SLC6A15: variants seen among roughly 807,000 people sequenced by gnomAD.
The protein encoded by SLC6A15 is solute carrier family 6 member 15, also known as sodium-dependent neutral amino acid transporter B(0)AT2.
A neutral mutation model predicts 68.5 loss-of-function variants in SLC6A15; 33 were observed. That is an observed-to-expected ratio of 0.48 (90% CI 0.37 to 0.64). The LOEUF is 0.64. SLC6A15 is among the 30% of genes least tolerant of loss of function. SLC6A15 has a pLI of 0.00. For missense variants in SLC6A15, 747 were observed against 874.3 expected (o/e 0.85, Z 1.84); for synonymous variants, 347 against 301.0 (o/e 1.15, Z -1.58).
Position 84,861,590 on chromosome 12 carries a change from G to A in SLC6A15, c.*42C>T. 6.5e-7 allele frequency: 1 copy of A among 1,547,126 alleles called. No individual in the cohort carries two copies. The highest frequency in any genetic ancestry group is 8.7e-7 in the Non-Finnish European group (1 of 1,145,186). The stretch of plus-strand genomic sequence containing the variant: ...TCTCCTACTAGGGCCAATGTTCATT[G>A]GTAAAAATGAACCAAATAAAACCCA... On this transcript the variant is annotated 3_prime_UTR_variant, in exon 12 of 12. Transcript: ENST00000266682.
At chr12:84,881,210 C>T (rs934624119) in intron 5 of SLC6A15, 1 of 155,048 alleles carries the variant, frequency 6.4e-6, no homozygotes, top group African/African-American at 2.4e-5. Flanking sequence ...GTAACTAGGG[C>T]ACATGCTACC....
chr12:84,884,312 AT>A (rs1170254509), intron 4 of SLC6A15, among the ~76,000 whole-genome samples: 1 of 151,868 alleles, frequency 6.6e-6, no homozygotes, highest in Non-Finnish European at 1.5e-5. Context: ...ATTTTATTTT[AT>A]TTTTATTTTT....
rs78734475 is a variant in SLC6A15, at chr12:84,863,457, G to A, written c.1800C>T (p.Asn600=). ...VNMGLSPPGY[N]AWIEDKASEE... Reference sequence around the variant, plus strand: ...TATTTACCTTATCTTCAATCCATGCGTTATAGCCAGGAGGACTTAATCCCA... The same window carrying A: ...TATTTACCTTATCTTCAATCCATGCATTATAGCCAGGAGGACTTAATCCCA... Residue 600 remains asparagine, a synonymous_variant, in exon 11 of 12, where the codon AAC becomes AAT. Transcript: ENST00000266682. 59 of 1,578,862 alleles carry A rather than the reference G, an allele frequency of 3.7e-5. No individual in the cohort carries two copies. The highest frequency in any genetic ancestry group is 2.3e-4 in the East Asian group (10 of 43,044).
At chr12:84,864,037 G>A (rs1051281105) in intron 10 of SLC6A15, among the ~76,000 whole-genome samples, 1 of 149,264 alleles carries the variant, frequency 6.7e-6, no homozygotes, top group Admixed American at 6.7e-5. Flanking sequence ...ATTCTATCAA[G>A]GAATTATTAC....
Position 84,881,284 on chromosome 12 carries a change from T to C in SLC6A15, c.756+2575A>G, listed in dbSNP as rs923854092. On this transcript the variant is annotated intron_variant, in intron 5 of 11. Coordinates refer to ENST00000266682, the MANE Select transcript of SLC6A15 (RefSeq NM_182767.6). ...ATTGAGGCAACTGATTTCATTATTA[T>C]CAAGTTTGATTCTTGAAAGGCCTTT... 5 of 218,714 alleles carry C rather than the reference T, an allele frequency of 2.3e-5. No individual in the cohort carries two copies. The Admixed American group carries it at 2.6e-4, about 11-fold the overall frequency. The allele number at this position is 218,714 out of a possible 1,614,324, so 13.5% of individuals were successfully genotyped here. A position where few individuals can be genotyped will look rare whatever the true frequency, so the allele number is the denominator to read the frequency against.
At chr12:84,864,920 G>A (rs925515393) in intron 10 of SLC6A15, among the ~76,000 whole-genome samples, 4 of 152,012 alleles carry the variant, frequency 2.6e-5, no homozygotes, top group African/African-American at 4.8e-5. Context: ...GTACAAAATC[G>A]ACAGATGCAT....
chr12:84,907,458 G>A (rs1303043227), intron 1 of SLC6A15, among the ~76,000 whole-genome samples: 5 of 152,234 alleles, frequency 3.3e-5, no homozygotes, highest in African/African-American at 7.2e-5. Context: ...CACAAGAACT[G>A]AGGCTCGATA....
intron 1 of SLC6A15, among the ~76,000 whole-genome samples, chr12:84,906,423 A>G (rs541566323): frequency 8.2e-4 from 125 of 152,334 alleles, no homozygotes; most frequent in African/African-American, 2.9e-3. Flanking sequence ...ATTTTTCTAC[A>G]AAGAAGATTA....
Position 84,863,605 on chromosome 12 carries a change from A to G in SLC6A15, c.1656-4T>C. ...ATCTTTTAGGTCTTCCATAAACCTG[A>G]ATAAAAAGAAAGTATTTAATTATTC... On this transcript the variant is annotated splice_polypyrimidine_tract_variant and splice_region_variant and intron_variant, in intron 10 of 11. Coordinates refer to ENST00000266682, the MANE Select transcript of SLC6A15 (RefSeq NM_182767.6). 6.6e-7 allele frequency: 1 copy of G among 1,510,056 alleles called. No individual in the cohort carries two copies. The highest frequency in any genetic ancestry group is 2.4e-5 in the East Asian group (1 of 41,112). 93.5% of individuals were successfully genotyped at this position (1,510,056 alleles called of 1,614,324 possible). A position where few individuals can be genotyped will look rare whatever the true frequency, so the allele number is the denominator to read the frequency against.
At chr12:84,896,258 A>G (rs1872634825) in intron 1 of SLC6A15, among the ~76,000 whole-genome samples, 1 of 152,190 alleles carries the variant, frequency 6.6e-6, no homozygotes, top group Admixed American at 6.5e-5. Flanking sequence ...AATATTGCTC[A>G]TGGGCCAAAT....
chr12:84,894,594 A>C (rs1394418676), intron 1 of SLC6A15, among the ~76,000 whole-genome samples: 1 of 152,226 alleles, frequency 6.6e-6, no homozygotes, highest in East Asian at 1.9e-4. Flanking sequence ...ATCTCCCCCA[A>C]ATTTTTACGG....
chr12:84,911,316 T>A (rs1830430623), intron 1 of SLC6A15, among the ~76,000 whole-genome samples: 1 of 152,186 alleles, frequency 6.6e-6, no homozygotes, highest in African/African-American at 2.4e-5. Flanking sequence ...ACCGCAAGGA[T>A]GGTGCAGACT....
chr12:84,879,825 C>T lies in SLC6A15; in HGVS notation c.757-3218G>A, dbSNP rs373208587. Among the ~76,000 whole-genome samples, 75 of 147,286 alleles carry T rather than the reference C, an allele frequency of 5.1e-4. 3 individuals carry two copies. In the South Asian group the frequency reaches 0.015, roughly 30 times the overall value. On this transcript the variant is annotated intron_variant, in intron 5 of 11. Coordinates refer to ENST00000266682, the MANE Select transcript of SLC6A15 (RefSeq NM_182767.6). ...GGGTTCCATGAGGACAGACTGTGGC[C>T]TATTACTCTTTGCATATCCATCAGT...
rs991191613 is a variant in SLC6A15 at position 84,892,152 on chromosome 12, A to C, written c.-32T>G. 6.5e-7 allele frequency: 1 copy of C among 1,547,734 alleles called. No homozygotes were observed. The highest frequency in any genetic ancestry group is 1.2e-5 in the South Asian group (1 of 80,630). On this transcript the variant is annotated 5_prime_UTR_variant, in exon 2 of 12. Transcript: ENST00000266682. The stretch of plus-strand genomic sequence containing the variant: ...GTATGCGAAGTATTTAAAAAAAAAA[A>C]AAAAAACTCCCTTATGGCAAATGTG...
chr12:84,883,228 A>G (rs1182454412), intron 5 of SLC6A15: 18 of 985,102 alleles, frequency 1.8e-5, no homozygotes, highest in Non-Finnish European at 2.0e-5. Context: ...TTTAAAAATA[A>G]TAACAAACAA....
intron 1 of SLC6A15, among the ~76,000 whole-genome samples, chr12:84,908,623 TA>T (rs1873289790): frequency 1.4e-5 from 2 of 145,478 alleles, no homozygotes; most frequent in African/African-American, 5.0e-5. Flanking sequence ...TATATATATA[TA>T]TATCTTCCTA....
rs1872091948 is a variant in SLC6A15 at position 84,886,143 on chromosome 12, AAAGAT to A, written c.290-80_290-76del. ...ATACACTAGTTCAGTTTATCCCATT[AAAGAT>A]AATATTTGAATTACTATATAGTGCA... is the stretch of plus-strand genomic sequence containing the variant. On this transcript the variant is annotated intron_variant, in intron 2 of 11. Coordinates refer to ENST00000266682, the MANE Select transcript of SLC6A15 (RefSeq NM_182767.6). The A allele has an allele frequency of 5.7e-6, 6 of 1,048,108 alleles. No homozygotes were observed. In the South Asian group the frequency reaches 7.0e-5, roughly 12 times the overall value. The allele number at this position is 1,048,108 out of a possible 1,614,324, so 64.9% of individuals were successfully genotyped here.
intron 1 of SLC6A15, among the ~76,000 whole-genome samples, chr12:84,896,628 C>T (rs1872648697): frequency 6.6e-6 from 1 of 152,056 alleles, no homozygotes; most frequent in Admixed American, 6.6e-5. Context: ...AGAAATTTCC[C>T]TATTGAAAAT....
At position 84,859,586 on chromosome 12, in the gene SLC6A15, G is replaced by A. The variant is rs1469293783; in HGVS notation, c.*2046C>T. On this transcript the variant is annotated 3_prime_UTR_variant, in exon 12 of 12. Coordinates refer to ENST00000266682, the MANE Select transcript of SLC6A15 (RefSeq NM_182767.6). ...TAGATGTATACTTTTTTTTTTAAGAGCCCCCATGGCAAGAGAGTGAGAGAA... is the reference window on the plus strand; with the variant it reads ...TAGATGTATACTTTTTTTTTTAAGAACCCCCATGGCAAGAGAGTGAGAGAA... 1 of 150,778 alleles carries A rather than the reference G, an allele frequency of 6.6e-6. No homozygotes were observed. The highest frequency in any genetic ancestry group is 1.5e-5 in the Non-Finnish European group (1 of 67,648). 9.3% of individuals were successfully genotyped at this position (150,778 alleles called of 1,614,324 possible).
Sources: gnomAD v4.1 joint callset for allele counts (sites outside exome capture counted in the v4.1 genomes callset) on GRCh38, gnomAD v4.1.1 for gene constraint, MANE v1.5 for transcripts, NCBI Gene and HGNC (gene_info 2026-07-23, HGNC 2026-07-21) for gene names.